Variants in PGBD5 observed in about 807,000 individuals in gnomAD.
The protein encoded by PGBD5 is piggyBac transposable element-derived protein 5.
PGBD5 carries 14 observed loss-of-function variants against 47.9 expected under a neutral mutation model. That is an observed-to-expected ratio of 0.29 (90% CI 0.19 to 0.46). The LOEUF (loss-of-function observed/expected upper bound fraction) is 0.46, where lower values mean the gene tolerates loss of function less well. PGBD5 is among the 20% of genes least tolerant of loss of function. The pLI is 1.00. For missense variants in PGBD5, 635 were observed against 716.0 expected, an observed-to-expected ratio of 0.89 and a Z score of 1.29; for synonymous variants, 316 against 306.3, an observed-to-expected ratio of 1.03 and a Z score of -0.33.
In PGBD5 at chr1:230,319,815, T is replaced by C. The variant is rs1667009108; in HGVS notation, c.*3610A>G. 6.7e-6 allele frequency: 1 copy of C among 150,152 alleles called. No individual in the cohort carries two copies. The highest frequency in any genetic ancestry group is 1.5e-5 in the Non-Finnish European group (1 of 67,788). The allele number at this position is 150,152 out of a possible 1,614,324, so 9.3% of individuals were successfully genotyped here. On this transcript the variant is annotated 3_prime_UTR_variant, in exon 7 of 7. Transcript: ENST00000391860. The stretch of plus-strand genomic sequence containing the variant: ...AAGATGTCCCTAGTATAATGTCCCA[T>C]GGACCACGGGAAGACGTTGTTCAAA...
chr1:230,354,156 C>T (rs908019640), intron 2 of PGBD5, among the ~76,000 whole-genome samples: 2 of 152,170 alleles, frequency 1.3e-5, no homozygotes, highest in African/African-American at 2.4e-5. Context: ...AAACACCCAA[C>T]CGTACTCTGT....
chr1:230,397,043 G>A (rs1160235824), intron 1 of PGBD5, among the ~76,000 whole-genome samples: 1 of 152,172 alleles, frequency 6.6e-6, no homozygotes, highest in Non-Finnish European at 1.5e-5. Context: ...CACTGGAGAG[G>A]GAGTTCACCT....
chr1:230,369,772 C>T (rs1301282636), intron 1 of PGBD5, among the ~76,000 whole-genome samples: 3 of 152,080 alleles, frequency 2.0e-5, no homozygotes, highest in Non-Finnish European at 2.9e-5. Flanking sequence ...GGTCCTATCT[C>T]GGCACAACTG....
intron 3 of PGBD5, among the ~76,000 whole-genome samples, chr1:230,346,732 G>C (rs929628736): frequency 3.3e-5 from 5 of 152,138 alleles, no homozygotes; most frequent in Admixed American, 6.5e-5. Flanking sequence ...ATGACTCTGG[G>C]GGTGTTTCTT....
chr1:230,333,157 T>C lies in PGBD5; in HGVS notation c.1076-116A>G, dbSNP rs569401244. 8.1e-6 allele frequency: 9 copies of C among 1,112,900 alleles called. No individual in the cohort carries two copies. In the South Asian group the frequency reaches 1.4e-4, roughly 17 times the overall value. The allele number at this position is 1,112,900 out of a possible 1,614,324, so 68.9% of individuals were successfully genotyped here. A position where few individuals can be genotyped will look rare whatever the true frequency, so the allele number is the denominator to read the frequency against. On this transcript the variant is annotated intron_variant, in intron 4 of 6. Transcript: ENST00000391860. ...GACTGCCCGGTTCTGAGGCTGATGC[T>C]TGGGAGTCAGACCCTCTAGAGACCC... is the stretch of plus-strand genomic sequence containing the variant.
chr1:230,425,849 T>G lies in PGBD5; in HGVS notation c.80A>C (p.His27Pro). The G allele has an allele frequency of 1.7e-6, 2 of 1,199,616 alleles. No individual in the cohort carries two copies. Among genetic ancestry groups the G allele is most frequent in the Non-Finnish European group, 2.1e-6 (2 of 967,904 alleles). The allele number at this position is 1,199,616 out of a possible 1,614,324, so 74.3% of individuals were successfully genotyped here. ...CTCGCCGAACACGTCGTCCGAGATGTGCAGGCTCTCGTAGCGCGCGCGGGC... is the reference window on the plus strand; with the variant it reads ...CTCGCCGAACACGTCGTCCGAGATGGGCAGGCTCTCGTAGCGCGCGCGGGC... ...EAARARYESL[H>P]ISDDVFGESG... The change falls in exon 1 of 7, where the codon CAC (histidine) becomes CCC (proline). Residue 27 changes from histidine (H) to proline (P), a missense_variant. By Grantham distance (77) the His-to-Pro change is moderately conservative (BLOSUM62 -2). Transcript: ENST00000391860. The surrounding 1 kb of genome is among the most constrained non-coding windows in gnomAD (Gnocchi z 4.7).
chr1:230,337,946 C>G (rs1323091397), intron 3 of PGBD5, among the ~76,000 whole-genome samples: 1 of 152,002 alleles, frequency 6.6e-6, no homozygotes, highest in Non-Finnish European at 1.5e-5. Context: ...AGAGCATGTT[C>G]AAAAAAATCA....
At chr1:230,418,124 T>C (rs1317767197) in intron 1 of PGBD5, among the ~76,000 whole-genome samples, 1 of 152,150 alleles carries the variant, frequency 6.6e-6, no homozygotes, top group Non-Finnish European at 1.5e-5. Context: ...CTGGCCCAAG[T>C]TGAAAGACCT....
At chr1:230,335,818 CTG>C (rs1558192840) in intron 4 of PGBD5, among the ~76,000 whole-genome samples, 171 of 143,430 alleles carry the variant, frequency 1.2e-3, no homozygotes, top group East Asian at 2.7e-3. Context: ...GACACATACA[CTG>C]ACACAGACAT....
At chr1:230,332,438 C>A (rs115861971) in intron 5 of PGBD5, among the ~76,000 whole-genome samples, 497 of 152,280 alleles carry the variant, frequency 3.3e-3, no homozygotes, top group African/African-American at 0.01. Context: ...AACCAGACAG[C>A]GCATATGCTT....
At chr1:230,354,071 G>C (rs1382194980) in intron 2 of PGBD5, among the ~76,000 whole-genome samples, 1 of 152,232 alleles carries the variant, frequency 6.6e-6, no homozygotes, top group Admixed American at 6.5e-5. Context: ...GATGGGGCAG[G>C]CTGCTGCTCC....
rs146399820 is a variant in PGBD5 at position 230,404,012 on chromosome 1, A to G, written c.331+21586T>C. Among the ~76,000 whole-genome samples, 14 of 152,254 alleles carry G rather than the reference A, an allele frequency of 9.2e-5. No homozygotes were observed. In the East Asian group the frequency reaches 2.7e-3, roughly 29 times the overall value. ...GAAAACATGATTTCCCAACTAAACA[A>G]CTCTTCAAAGAGAAGAAAGGTGGGC... On this transcript the variant is annotated intron_variant, in intron 1 of 6. Transcript: ENST00000391860.
chr1:230,395,424 C>T (rs1481324284), intron 1 of PGBD5, among the ~76,000 whole-genome samples: 1 of 32,010 alleles, frequency 3.1e-5, no homozygotes. Flanking sequence ...CCCTCCTCCC[C>T]TCCTCTCCTC....
At chr1:230,412,193 ACGAAATTACAGTTGGCCCTT>A (rs1051869707) in intron 1 of PGBD5, among the ~76,000 whole-genome samples, 1 of 152,222 alleles carries the variant, frequency 6.6e-6, no homozygotes, top group Non-Finnish European at 1.5e-5. Context: ...ATGCTTATCA[ACGAAATTACAGTTGGCCCTT>A]GAACAATGCA....
intron 3 of PGBD5, among the ~76,000 whole-genome samples, chr1:230,339,748 G>A (rs1186216242): frequency 6.6e-6 from 1 of 152,194 alleles, no homozygotes; most frequent in African/African-American, 2.4e-5. Flanking sequence ...AATAAGCCGA[G>A]CACAGGAAGA....
chr1:230,384,945 G>A (rs566769223), intron 1 of PGBD5, among the ~76,000 whole-genome samples: 2 of 152,186 alleles, frequency 1.3e-5, no homozygotes, highest in African/African-American at 4.8e-5. Context: ...GTAGCAAGGC[G>A]GCTGGTTATA....
chr1:230,364,575 G>A (rs904534184), intron 1 of PGBD5, among the ~76,000 whole-genome samples: 2 of 152,278 alleles, frequency 1.3e-5, no homozygotes, highest in African/African-American at 4.8e-5. Flanking sequence ...GTGTGTCTGT[G>A]CACTTGGAAG....
chr1:230,364,199 G>A (rs1458872303), intron 1 of PGBD5, among the ~76,000 whole-genome samples: 18 of 152,210 alleles, frequency 1.2e-4, no homozygotes, highest in Admixed American at 9.8e-4. Context: ...GTGCCCGTGG[G>A]GTTGAGTCCT....
chr1:230,342,608 G>A (rs144427607), intron 3 of PGBD5, among the ~76,000 whole-genome samples: 255 of 152,314 alleles, frequency 1.7e-3, no homozygotes, highest in African/African-American at 5.9e-3. Context: ...GAGGAACTGA[G>A]GCAGGGAGGG....
Sources: allele counts gnomAD v4.1 joint callset (sites outside exome capture counted in the v4.1 genomes callset), GRCh38; gene constraint gnomAD v4.1.1; non-coding constraint Gnocchi (gnomAD v3.1); transcripts MANE v1.5; gene names NCBI Gene and HGNC (gene_info 2026-07-23, HGNC 2026-07-21).